SGCZ: variants seen among roughly 807,000 people sequenced by gnomAD.
SGCZ encodes sarcoglycan zeta.
SGCZ carries 40 observed loss-of-function variants against 41.3 expected under a neutral mutation model. That is an observed-to-expected ratio of 0.97 (90% CI 0.75 to 1.26). SGCZ has a LOEUF of 1.26. SGCZ is among the 50% of genes most tolerant of loss of function. The pLI, the probability that SGCZ is intolerant of heterozygous loss-of-function variation, is 0.00. For missense variants in SGCZ, 552 were observed against 369.8 expected (o/e 1.49, Z -4.04); for synonymous variants, 206 against 137.5 (o/e 1.50, Z -3.49).
intron 1 of SGCZ, among the ~76,000 whole-genome samples, chr8:14,593,200 C>G (rs1805295284): frequency 6.6e-6 from 1 of 152,110 alleles, no homozygotes; most frequent in Non-Finnish European, 1.5e-5. Context: ...AGAGTTTATC[C>G]TGGATCATCA....
At chr8:14,592,796 T>C (rs1181439935) in intron 1 of SGCZ, among the ~76,000 whole-genome samples, 1 of 152,186 alleles carries the variant, frequency 6.6e-6, no homozygotes, top group Non-Finnish European at 1.5e-5. Flanking sequence ...GCAAAACTAC[T>C]GAAGGAAATC....
intron 5 of SGCZ, among the ~76,000 whole-genome samples, chr8:14,136,868 T>C (rs998757181): frequency 6.6e-6 from 1 of 152,128 alleles, no homozygotes; most frequent in Admixed American, 6.6e-5. Flanking sequence ...CCCCGACCCC[T>C]CAGTAGTCTA....
chr8:15,092,006 G>A (rs1486928396), intron 1 of SGCZ, among the ~76,000 whole-genome samples: 3 of 152,022 alleles, frequency 2.0e-5, no homozygotes, highest in Admixed American at 6.6e-5. Flanking sequence ...CACATGACTC[G>A]GCCTCCCAAA....
chr8:15,170,870 G>A (rs750243816), intron 1 of SGCZ, among the ~76,000 whole-genome samples: 7 of 152,112 alleles, frequency 4.6e-5, no homozygotes, highest in Non-Finnish European at 8.8e-5. Flanking sequence ...TCTATGATTC[G>A]TTTAATGCAA....
chr8:14,886,167 G>T (rs1477770325), intron 1 of SGCZ, among the ~76,000 whole-genome samples: 1 of 151,052 alleles, frequency 6.6e-6, no homozygotes, highest in Non-Finnish European at 1.5e-5. Flanking sequence ...ATTGAACATT[G>T]TTGATGATTG....
chr8:14,288,446 C>A (rs1163359415), intron 3 of SGCZ, among the ~76,000 whole-genome samples: 2 of 152,076 alleles, frequency 1.3e-5, no homozygotes, highest in Non-Finnish European at 2.9e-5. Context: ...TGTCTCCCTA[C>A]CCTCGGCCAC....
At chr8:14,344,420 GA>G (rs558840508) in intron 2 of SGCZ, among the ~76,000 whole-genome samples, 56 of 151,768 alleles carry the variant, frequency 3.7e-4, no homozygotes, top group Middle Eastern at 6.8e-3. Flanking sequence ...ATCAGTAACT[GA>G]AAAAAATACA....
chr8:14,853,227 A>G (rs1803404567), intron 1 of SGCZ, among the ~76,000 whole-genome samples: 2 of 152,182 alleles, frequency 1.3e-5, no homozygotes, highest in South Asian at 4.1e-4. Flanking sequence ...AATGTTAAAG[A>G]GTGGGGAAGA....
chr8:14,217,884 G>A (rs1806055911), intron 4 of SGCZ, among the ~76,000 whole-genome samples: 1 of 151,978 alleles, frequency 6.6e-6, no homozygotes, highest in South Asian at 2.1e-4. Flanking sequence ...ACCCGCCTCA[G>A]CCTCCCAAAG....
intron 2 of SGCZ, among the ~76,000 whole-genome samples, chr8:14,438,906 T>A (rs1211867085): frequency 6.6e-6 from 1 of 152,066 alleles, no homozygotes; most frequent in Non-Finnish European, 1.5e-5. Context: ...ATTATAATGA[T>A]CTTGTAAGAG....
chr8:14,833,638 G>C (rs1042156898), intron 1 of SGCZ, among the ~76,000 whole-genome samples: 2 of 151,936 alleles, frequency 1.3e-5, no homozygotes, highest in South Asian at 2.1e-4. Context: ...TGCAAAAGGT[G>C]AATGTGCTTG....
rs116787912 is a variant in SGCZ at position 15,035,351 on chromosome 8, C to T, written c.39+202234G>A. Among the ~76,000 whole-genome samples the T allele has an allele frequency of 3.8e-3, 571 of 152,026 alleles. 6 individuals carry two copies. The highest frequency in any genetic ancestry group is 0.013 in the African/African-American group (532 of 41,480). ...AAAGCAAAAGTCTACAGTTGATGCA[C>T]AAAATATAAAAAGTAAAGTATCGAA... is the stretch of plus-strand genomic sequence containing the variant. On this transcript the variant is annotated intron_variant, in intron 1 of 7. Coordinates refer to ENST00000382080, the MANE Select transcript of SGCZ (RefSeq NM_139167.4).
chr8:14,649,946 A>G (rs564823425), intron 1 of SGCZ, among the ~76,000 whole-genome samples: 1 of 152,158 alleles, frequency 6.6e-6, no homozygotes, highest in African/African-American at 2.4e-5. Flanking sequence ...GTTTAGGGCT[A>G]TTGGAAGCAG....
Position 15,021,324 on chromosome 8 carries a change from GA to G in SGCZ, c.39+216260del, listed in dbSNP as rs1490390274. On this transcript the variant is annotated intron_variant, in intron 1 of 7. Coordinates refer to ENST00000382080, the MANE Select transcript of SGCZ (RefSeq NM_139167.4). ...GGCCTCATGGTACTCTCTACAACTG[GA>G]AAAAAATATTGCCTTGTATCTTCTG... 3.3e-5 allele frequency among the ~76,000 whole-genome samples: 5 copies of G among 152,206 alleles called. No homozygotes were observed. In the South Asian group the frequency reaches 8.3e-4, roughly 25 times the overall value.
chr8:14,525,896 G>T (rs942063659), intron 2 of SGCZ, among the ~76,000 whole-genome samples: 1 of 151,944 alleles, frequency 6.6e-6, no homozygotes, highest in East Asian at 1.9e-4. Flanking sequence ...ATACGATGCA[G>T]AGTATTTTAC....
intron 1 of SGCZ, among the ~76,000 whole-genome samples, chr8:15,103,273 T>A (rs1806687073): frequency 6.6e-6 from 1 of 152,058 alleles, no homozygotes; most frequent in Non-Finnish European, 1.5e-5. Context: ...TGATGGCGCA[T>A]GCCTGTATAC....
intron 5 of SGCZ, among the ~76,000 whole-genome samples, chr8:14,156,056 G>A (rs1039792494): frequency 5.9e-5 from 9 of 152,178 alleles, no homozygotes; most frequent in East Asian, 1.9e-4. Context: ...CTTGCAGGAC[G>A]AGAAGTTGCT....
At chr8:15,207,608 C>G (rs1373765276) in intron 1 of SGCZ, among the ~76,000 whole-genome samples, 1 of 151,886 alleles carries the variant, frequency 6.6e-6, no homozygotes, top group African/African-American at 2.4e-5. Flanking sequence ...GTCAGGAATC[C>G]TAGAGAAGGC....
At chr8:14,440,196 T>C (rs1800207440) in intron 2 of SGCZ, among the ~76,000 whole-genome samples, 1 of 152,072 alleles carries the variant, frequency 6.6e-6, no homozygotes. Context: ...TAAAATTTTT[T>C]GCCTATATGT....
Sources: allele counts gnomAD v4.1 joint callset (sites outside exome capture counted in the v4.1 genomes callset), GRCh38; gene constraint gnomAD v4.1.1; transcripts MANE v1.5; gene names NCBI Gene and HGNC (gene_info 2026-07-23, HGNC 2026-07-21).